MFHAS1: variants seen among roughly 807,000 people sequenced by gnomAD.
MFHAS1 encodes malignant fibrous histiocytoma-amplified sequence 1.
Under a neutral mutation model 70.4 loss-of-function variants are expected in MFHAS1, and 50 were observed. The observed-to-expected ratio is 0.71, with a 90% CI of 0.57 to 0.90. MFHAS1 has a LOEUF of 0.90. Among genes scored for constraint, MFHAS1 ranks in the 40% least tolerant of loss-of-function variants. MFHAS1 has a pLI of 0.00. For missense variants in MFHAS1, 1,795 were observed against 1,347.6 expected (o/e 1.33, Z -5.20); for synonymous variants, 952 against 620.0 (o/e 1.54, Z -7.96).
intron 2 of MFHAS1, among the ~76,000 whole-genome samples, chr8:8,786,856 T>C (rs1352338909): frequency 6.6e-6 from 1 of 151,544 alleles, no homozygotes; most frequent in East Asian, 1.9e-4. Flanking sequence ...CCTAAACACT[T>C]CTCCAGTCCA....
At position 8,891,737 on chromosome 8, in the gene MFHAS1, C is replaced by T. The variant is rs1318883604; in HGVS notation, c.1322G>A (p.Gly441Glu). The T allele has an allele frequency of 6.2e-7, 1 of 1,613,430 alleles. No individual in the cohort carries two copies. The highest frequency in any genetic ancestry group is 1.1e-5 in the South Asian group (1 of 91,084). The change falls in exon 1 of 3, where the codon GGG becomes GAG. Residue 441 changes from glycine (G) to glutamate (E), a missense_variant. By Grantham distance (98) the Gly-to-Glu change is moderately conservative (BLOSUM62 -2). Coordinates refer to ENST00000276282, the MANE Select transcript of MFHAS1 (RefSeq NM_004225.3). The surrounding 1 kb of genome is among the most constrained non-coding windows in gnomAD (Gnocchi z 5.4). Reference protein sequence around the residue: ...EERVEGCPGGGDKEKCYPPSP... With the variant: ...EERVEGCPGGEDKEKCYPPSP... ...CGGTGGGTAGCACTTCTCCTTGTCC[C>T]CTCCTCCTGGGCATCCCTCCACTCT...
chr8:8,883,831 C>T (rs191367833), intron 1 of MFHAS1, among the ~76,000 whole-genome samples: 22 of 150,700 alleles, frequency 1.5e-4, no homozygotes, highest in Admixed American at 7.9e-4. Context: ...TCCTATAATA[C>T]AGAGTTAAAG....
Position 8,892,719 on chromosome 8 carries a change from T to C in MFHAS1, c.340A>G (p.Thr114Ala), listed in dbSNP as rs909228974. Residue 114 changes from threonine to alanine, a missense_variant, in exon 1 of 3, where the codon ACC (threonine) becomes GCC (alanine). Thr to Ala is a moderately conservative substitution (Grantham distance 58, BLOSUM62 0). Transcript: ENST00000276282. This position sits in a 1 kb window ranked among gnomAD's most constrained non-coding sequence, Gnocchi z 4.7. ...CGGTTGTGGCTCACGTCCAGCTCGG[T>C]GAGGTGGTGGCCGAGCTCGGCCACC... is the stretch of plus-strand genomic sequence containing the variant. ...PAVAELGHHL[T>A]ELDVSHNRLT... 1.9e-6 allele frequency: 3 copies of C among 1,544,734 alleles called. No homozygotes were observed. Among genetic ancestry groups the C allele is most frequent in the East Asian group, 2.5e-5 (1 of 40,734 alleles).
chr8:8,860,233 C>T (rs1808610879), intron 1 of MFHAS1, among the ~76,000 whole-genome samples: 1 of 152,190 alleles, frequency 6.6e-6, no homozygotes. Context: ...CACACGACAG[C>T]CCTTCTTGGG....
intron 2 of MFHAS1, among the ~76,000 whole-genome samples, chr8:8,792,058 T>C (rs1403561821): frequency 6.6e-6 from 1 of 150,924 alleles, no homozygotes; most frequent in African/African-American, 2.4e-5. Context: ...GCTAACACAG[T>C]GAAACCCTAT....
intron 1 of MFHAS1, among the ~76,000 whole-genome samples, chr8:8,820,245 C>G (rs1238417463): frequency 6.6e-6 from 1 of 151,892 alleles, no homozygotes; most frequent in Non-Finnish European, 1.5e-5. Context: ...CTGCTATGCT[C>G]CCCCTTCCCA....
intron 1 of MFHAS1, among the ~76,000 whole-genome samples, chr8:8,849,630 G>C (rs975949669): frequency 1.3e-5 from 2 of 152,186 alleles, no homozygotes; most frequent in African/African-American, 4.8e-5. Context: ...GGCTGAAAAT[G>C]CATTTTGTGT....
In MFHAS1 at chr8:8,891,962, C is replaced by A. The variant is rs1486577013; in HGVS notation, c.1097G>T (p.Arg366Leu). ...VLPDHFGQLS[R>L]VGLWKIKDNP... ...GTCTTTGATCTTCCACAAACCCACC[C>A]GGGAGAGCTGGCCAAAGTGGTCGGG... The change falls in exon 1 of 3, where the codon CGG (arginine) becomes CTG (leucine). Residue 366 changes from arginine (R) to leucine (L), a missense_variant. Coordinates refer to ENST00000276282, the MANE Select transcript of MFHAS1 (RefSeq NM_004225.3). This position sits in a 1 kb window ranked among gnomAD's most constrained non-coding sequence, Gnocchi z 5.4. The A allele has an allele frequency of 1.9e-6, 3 of 1,612,054 alleles. No homozygotes were observed. The highest frequency in any genetic ancestry group is 2.5e-6 in the Non-Finnish European group (3 of 1,179,110).
chr8:8,834,048 C>T (rs980067652), intron 1 of MFHAS1, among the ~76,000 whole-genome samples: 4 of 151,956 alleles, frequency 2.6e-5, no homozygotes, highest in Non-Finnish European at 4.4e-5. Flanking sequence ...ATCGCTTGAA[C>T]CCGGGAGGCG....
At chr8:8,880,549 A>G (rs1809478193) in intron 1 of MFHAS1, among the ~76,000 whole-genome samples, 1 of 152,184 alleles carries the variant, frequency 6.6e-6, no homozygotes, top group African/African-American at 2.4e-5. Context: ...TAGTCTTAAC[A>G]TGACTCCAGT....
chr8:8,890,803 C>A lies in MFHAS1; in HGVS notation c.2256G>T (p.Leu752=), dbSNP rs1203145891. ...QRDPSLLLHK[L]LLGTSGEGKA... ...TGCCCTCTCCACTGGTCCCTAGGAG[C>A]AGCTTATGCAGCAGCAAAGAGGGAT... The change falls in exon 1 of 3, where the codon CTG becomes CTT. Residue 752 remains leucine (L), a synonymous_variant. Transcript: ENST00000276282. 4.3e-6 allele frequency: 7 copies of A among 1,614,100 alleles called. No individual in the cohort carries two copies. The highest frequency in any genetic ancestry group is 1.3e-5 in the African/African-American group (1 of 74,956).
intron 1 of MFHAS1, among the ~76,000 whole-genome samples, chr8:8,805,551 G>T (rs1806256829): frequency 6.6e-6 from 1 of 152,176 alleles, no homozygotes; most frequent in African/African-American, 2.4e-5. Flanking sequence ...GGGGGAAGAG[G>T]AGGGGTTGGT....
In MFHAS1 at chr8:8,891,753, C is replaced by T; in HGVS notation, c.1306G>A (p.Gly436Arg). ...TCCTTGTCCCCTCCTCCTGGGCATC[C>T]CTCCACTCTCTCCTCGGTGAGGCAG... ...RHCLTEERVE[G>R]CPGGGDKEKC... Residue 436 changes from glycine (G) to arginine (R), a missense_variant, in exon 1 of 3, where the codon GGA (glycine) becomes AGA (arginine). Transcript: ENST00000276282. The surrounding 1 kb of genome is among the most constrained non-coding windows in gnomAD (Gnocchi z 5.4). 6.2e-7 allele frequency: 1 copy of T among 1,613,420 alleles called. No homozygotes were observed. Among genetic ancestry groups the T allele is most frequent in the Non-Finnish European group, 8.5e-7 (1 of 1,180,036 alleles).
intron 1 of MFHAS1, among the ~76,000 whole-genome samples, chr8:8,802,311 T>A (rs1265193014): frequency 6.6e-6 from 1 of 152,222 alleles, no homozygotes; most frequent in Non-Finnish European, 1.5e-5. Flanking sequence ...AGATATCCTG[T>A]GTCAAGGATA....
chr8:8,890,179 G>T lies in MFHAS1; in HGVS notation c.2880C>A (p.Thr960=), dbSNP rs143430633. Residue 960 remains threonine, a synonymous_variant, in exon 1 of 3, where the codon ACC becomes ACA. Coordinates refer to ENST00000276282, the MANE Select transcript of MFHAS1 (RefSeq NM_004225.3). ...GGACATTCAGTTCCTCCACCAAGGG[G>T]GTTATGGCTTGCCATGCGGTCCATA... ...PNIWTAWQAI[T]PLVEELNVLL... is the part of the protein sequence containing the mutation. 1.2e-6 allele frequency: 2 copies of T among 1,614,176 alleles called. No homozygotes were observed. Among genetic ancestry groups the T allele is most frequent in the South Asian group, 2.2e-5 (2 of 91,086 alleles).
In MFHAS1 at chr8:8,890,472, C is replaced by A; in HGVS notation, c.2587G>T (p.Ala863Ser). ...YVQNEVPHAE[A>S]WINGTNLAGQ... ...GCTAGGTTGGTCCCATTAATCCAGG[C>A]TTCTGCATGGGGCACCTCGTTCTGC... Residue 863 changes from alanine to serine, a missense_variant, in exon 1 of 3, where the codon GCC becomes TCC. Ala to Ser is a moderately conservative substitution (Grantham distance 99). Coordinates refer to ENST00000276282, the MANE Select transcript of MFHAS1 (RefSeq NM_004225.3). 6.2e-7 allele frequency: 1 copy of A among 1,613,874 alleles called. No individual in the cohort carries two copies. The highest frequency in any genetic ancestry group is 8.5e-7 in the Non-Finnish European group (1 of 1,180,042).
At chr8:8,799,943 G>A (rs1175918883) in intron 1 of MFHAS1, among the ~76,000 whole-genome samples, 1 of 152,136 alleles carries the variant, frequency 6.6e-6, no homozygotes, top group Non-Finnish European at 1.5e-5. Context: ...GCTCAGGGAG[G>A]TTATGCGATG....
chr8:8,826,247 A>AGTGTGTGT (rs112140342), intron 1 of MFHAS1, among the ~76,000 whole-genome samples: 2,916 of 147,820 alleles, frequency 0.02, 46 homozygotes, highest in East Asian at 0.085. Context: ...AAACACAAAG[A>AGTGTGTGT]GTGTGTGTGT....
At chr8:8,793,334 G>C (rs1234319593) in intron 2 of MFHAS1, among the ~76,000 whole-genome samples, 1 of 152,180 alleles carries the variant, frequency 6.6e-6, no homozygotes, top group African/African-American at 2.4e-5. Context: ...TCTTTATAAA[G>C]AAAGCATTGC....
Sources: gnomAD v4.1 joint callset for allele counts (sites outside exome capture counted in the v4.1 genomes callset) on GRCh38, gnomAD v4.1.1 for gene constraint, Gnocchi (gnomAD v3.1) non-coding constraint, MANE v1.5 for transcripts, NCBI Gene and HGNC (gene_info 2026-07-23, HGNC 2026-07-21) for gene names.